PCNX2: variants seen among roughly 807,000 people sequenced by gnomAD.
The protein encoded by PCNX2 is pecanex 2.
In PCNX2, 168 loss-of-function variants were observed where a neutral mutation model predicts 223.8. The observed-to-expected ratio is 0.75, with a 90% confidence interval of 0.66 to 0.85. The LOEUF (loss-of-function observed/expected upper bound fraction) is 0.85, where lower values mean the gene tolerates loss of function less well. Ranked by LOEUF, PCNX2 falls within the 40% of genes least tolerant of loss-of-function variation. The pLI, the probability that PCNX2 is intolerant of heterozygous loss-of-function variation, is 0.00. For missense variants in PCNX2, 2,507 were observed against 2,675.5 expected, an observed-to-expected ratio of 0.94 and a Z score of 1.39; for synonymous variants, 1,006 against 1,052.6, an observed-to-expected ratio of 0.96 and a Z score of 0.86.
At chr1:233,198,156 C>T (rs1680845484) in intron 15 of PCNX2, among the ~76,000 whole-genome samples, 1 of 152,170 alleles carries the variant, frequency 6.6e-6, no homozygotes, top group Admixed American at 6.5e-5. Context: ...ATTTCTTCTC[C>T]ATATTTACTT....
At chr1:233,226,431 G>A (rs907727457) in intron 10 of PCNX2, among the ~76,000 whole-genome samples, 9 of 151,932 alleles carry the variant, frequency 5.9e-5, no homozygotes, top group South Asian at 2.1e-4. Context: ...CACCACACCC[G>A]GCTAATTTTT....
At chr1:233,168,857 C>G (rs892201757) in intron 17 of PCNX2, among the ~76,000 whole-genome samples, 1 of 151,852 alleles carries the variant, frequency 6.6e-6, no homozygotes, top group Non-Finnish European at 1.5e-5. Context: ...CAATTGGCAC[C>G]ATCACTAATT....
rs890097393 is a variant in PCNX2, at chr1:232,983,992, G to A, written c.*312C>T. On this transcript the variant is annotated 3_prime_UTR_variant, in exon 34 of 34. Transcript: ENST00000258229. ...CAGATTCTGGAACATGTGTGGTGCT[G>A]TCCGCGGTGTGCCGCTCTGGGCAGC... 6 of 244,892 alleles carry A rather than the reference G, an allele frequency of 2.5e-5. No individual in the cohort carries two copies. Among genetic ancestry groups the A allele is most frequent in the Admixed American group, 5.6e-5 (1 of 17,908 alleles). 15.2% of individuals were successfully genotyped at this position (244,892 alleles called of 1,614,324 possible). A position where few individuals can be genotyped will look rare whatever the true frequency, so the allele number is the denominator to read the frequency against.
rs1299703560 is a variant in PCNX2, at chr1:233,112,959, G to A, written c.3838-17096C>T. ...GGGAAATCATCCTCTTTGTGTGTGGGTGCCGTCCTAGGGAGGAGAAGACAA... is the reference window on the plus strand; with the variant it reads ...GGGAAATCATCCTCTTTGTGTGTGGATGCCGTCCTAGGGAGGAGAAGACAA... On this transcript the variant is annotated intron_variant, in intron 21 of 33. Coordinates refer to ENST00000258229, the MANE Select transcript of PCNX2 (RefSeq NM_014801.4). 8 of 1,289,208 alleles carry A rather than the reference G, an allele frequency of 6.2e-6. No homozygotes were observed. In the East Asian group the frequency reaches 3.9e-4, roughly 63 times the overall value. 79.9% of individuals were successfully genotyped at this position (1,289,208 alleles called of 1,614,324 possible). A position where few individuals can be genotyped will look rare whatever the true frequency, so the allele number is the denominator to read the frequency against.
chr1:233,002,056 C>T (rs566622925), intron 28 of PCNX2, among the ~76,000 whole-genome samples: 59 of 152,128 alleles, frequency 3.9e-4, no homozygotes, highest in Non-Finnish European at 4.9e-4. Flanking sequence ...TCCCCAGAGA[C>T]GATGATGCTA....
In PCNX2 at chr1:233,295,481, C is replaced by G; in HGVS notation, c.-3G>C. Reference sequence around the variant, plus strand: ...AGCTGCAGCACCTGGGACACCATGCCGGCTGCGCCCCGGGGCTGGTGAGCG... The same window carrying G: ...AGCTGCAGCACCTGGGACACCATGCGGGCTGCGCCCCGGGGCTGGTGAGCG... On this transcript the variant is annotated 5_prime_UTR_variant, in exon 1 of 34. Coordinates refer to ENST00000258229, the MANE Select transcript of PCNX2 (RefSeq NM_014801.4). This position sits in a 1 kb window ranked among gnomAD's most constrained non-coding sequence, Gnocchi z 4.1. 1.9e-6 allele frequency: 3 copies of G among 1,546,988 alleles called. No individual in the cohort carries two copies. Among genetic ancestry groups the G allele is most frequent in the Non-Finnish European group, 2.6e-6 (3 of 1,145,300 alleles).
Position 233,227,511 on chromosome 1 carries a change from A to G in PCNX2, c.2359-140T>C, listed in dbSNP as rs1169327254. 3 of 754,764 alleles carry G rather than the reference A, an allele frequency of 4.0e-6. No individual in the cohort carries two copies. In the Admixed American group the frequency reaches 1.2e-4, roughly 31 times the overall value. The allele number at this position is 754,764 out of a possible 1,614,324, so 46.8% of individuals were successfully genotyped here. A position where few individuals can be genotyped will look rare whatever the true frequency, so the allele number is the denominator to read the frequency against. On this transcript the variant is annotated intron_variant, in intron 9 of 33. Coordinates refer to ENST00000258229, the MANE Select transcript of PCNX2 (RefSeq NM_014801.4). Reference sequence around the variant, plus strand: ...AAAAATACAAAAAGCAAATGTTCAAATTCTGATATGTAAACCAACATATTT... The same window carrying G: ...AAAAATACAAAAAGCAAATGTTCAAGTTCTGATATGTAAACCAACATATTT...
At chr1:233,299,271 T>C (rs1481088769), upstream of PCNX2, among the ~76,000 whole-genome samples, 2 of 152,206 alleles carry the variant, frequency 1.3e-5, no homozygotes, top group East Asian at 3.8e-4. Flanking sequence ...CGATTTTATT[T>C]CCAAATGATA....
intron 1 of PCNX2, among the ~76,000 whole-genome samples, chr1:233,272,040 TGAAGATAACATTG>T: frequency 6.6e-6 from 1 of 152,112 alleles, no homozygotes; most frequent in East Asian, 1.9e-4. Context: ...TAAAAATCCT[TGAAGATAACATTG>T]GAAAAACCCT....
intron 1 of PCNX2, among the ~76,000 whole-genome samples, chr1:233,281,961 C>T (rs1661214186): frequency 6.6e-6 from 1 of 152,114 alleles, no homozygotes; most frequent in Admixed American, 6.6e-5. Context: ...AGGAATAAAC[C>T]CCCTTGACTC....
intron 28 of PCNX2, among the ~76,000 whole-genome samples, chr1:233,013,564 GC>G (rs1483674338): frequency 6.6e-6 from 1 of 152,112 alleles, no homozygotes; most frequent in East Asian, 1.9e-4. Flanking sequence ...CCCTTAACAA[GC>G]TTACAATCCC....
intron 1 of PCNX2, among the ~76,000 whole-genome samples, chr1:233,263,557 A>G (rs1660173834): frequency 6.6e-6 from 1 of 150,934 alleles, no homozygotes; most frequent in Admixed American, 6.6e-5. Flanking sequence ...CCGGGCTCAG[A>G]CAATTATCCT....
chr1:233,069,449 A>AT (rs368217153), intron 23 of PCNX2, among the ~76,000 whole-genome samples: 266 of 152,266 alleles, frequency 1.7e-3, no homozygotes, highest in African/African-American at 6.1e-3. Flanking sequence ...AAGATAGACC[A>AT]TTTTTCTGGG....
intron 21 of PCNX2, among the ~76,000 whole-genome samples, chr1:233,108,803 C>G (rs1208700494): frequency 6.6e-6 from 1 of 152,200 alleles, no homozygotes; most frequent in Non-Finnish European, 1.5e-5. Flanking sequence ...CCCAGGATTA[C>G]AGACAGGGGA....
chr1:233,083,976 T>C (rs1490589086), intron 23 of PCNX2, among the ~76,000 whole-genome samples: 1 of 152,084 alleles, frequency 6.6e-6, no homozygotes, highest in Non-Finnish European at 1.5e-5. Context: ...TAAGAAAAGA[T>C]AGAAATTTAG....
intron 28 of PCNX2, among the ~76,000 whole-genome samples, chr1:233,010,932 A>G (rs1457336452): frequency 6.6e-6 from 1 of 152,182 alleles, no homozygotes; most frequent in Non-Finnish European, 1.5e-5. Context: ...ATTTCCCCCA[A>G]CAAATTGGTC....
chr1:233,289,852 G>A (rs1661657723), intron 1 of PCNX2, among the ~76,000 whole-genome samples: 1 of 152,228 alleles, frequency 6.6e-6, no homozygotes, highest in Admixed American at 6.5e-5. Context: ...ATGTGGAATG[G>A]GCCAAGCCTG....
Position 233,120,164 on chromosome 1 carries a change from CAAAAAAAAAA to C in PCNX2, c.3837+14839_3837+14848del, listed in dbSNP as rs1228898502. Among the ~76,000 whole-genome samples the C allele has an allele frequency of 2.8e-4, 12 of 42,656 alleles. No homozygotes were observed. In the South Asian group the frequency reaches 3.5e-3, roughly 13 times the overall value. 28.0% of individuals were successfully genotyped at this position (42,656 alleles called of 152,430 possible). Reference sequence around the variant, plus strand: ...CCTGGGTGACAGTGAGACTCCATTTCAAAAAAAAAAAAAAAAAAAAGAAATAAAAAGAAAA... The same window carrying C: ...CCTGGGTGACAGTGAGACTCCATTTCAAAAAAAAAAGAAATAAAAAGAAAA... On this transcript the variant is annotated intron_variant, in intron 21 of 33. Transcript: ENST00000258229.
chr1:233,286,889 C>G (rs763502160), intron 1 of PCNX2, among the ~76,000 whole-genome samples: 2 of 152,132 alleles, frequency 1.3e-5, no homozygotes, highest in East Asian at 1.9e-4. Flanking sequence ...TCCTCATGTC[C>G]CTTCCTACCT....
Sources: allele counts gnomAD v4.1 joint callset (sites outside exome capture counted in the v4.1 genomes callset), GRCh38; gene constraint gnomAD v4.1.1; non-coding constraint Gnocchi (gnomAD v3.1); transcripts MANE v1.5; gene names NCBI Gene and HGNC (gene_info 2026-07-23, HGNC 2026-07-21).